The following CFAP263 variants were observed in gnomAD, a reference collection of about 807,000 sequenced individuals.
CFAP263 encodes cilia and flagella associated protein 263, also known as cilia- and flagella-associated protein 263.
At chr16:58,269,455 A>G in the CFAP263 span, among the ~76,000 whole-genome samples, 2 of 152,040 alleles carry the variant, frequency 1.3e-5, no homozygotes, top group African/African-American at 4.8e-5. Flanking sequence ...GAAGGAAAGA[A>G]AAGAAAAGAA....
chr16:58,282,350 A>C, the CFAP263 span: 5 of 152,306 alleles, frequency 3.3e-5, no homozygotes, highest in African/African-American at 1.2e-4. Flanking sequence ...GATGTTGGCC[A>C]GGCTGGTCTT....
chr16:58,280,574 G>A, the CFAP263 span: 1 of 1,614,058 alleles, frequency 6.2e-7, no homozygotes, highest in East Asian at 2.2e-5. Flanking sequence ...TTTTCCCAGT[G>A]GTGGAGTGAG....
At chr16:58,282,493 T>G in the CFAP263 span, 2 of 152,366 alleles carry the variant, frequency 1.3e-5, no homozygotes, top group Non-Finnish European at 2.9e-5. Flanking sequence ...AGAACAGAGA[T>G]GAAGACCAGT....
chr16:58,254,763 C>T, the CFAP263 span, among the ~76,000 whole-genome samples: 1 of 152,180 alleles, frequency 6.6e-6, no homozygotes, highest in East Asian at 1.9e-4. Flanking sequence ...CGCCACCACA[C>T]CCGGCTAATT....
the CFAP263 span, among the ~76,000 whole-genome samples, chr16:58,266,421 T>A: frequency 1.2e-4 from 16 of 138,572 alleles, no homozygotes; most frequent in South Asian, 4.8e-4. Context: ...TTTTTTTTTT[T>A]TTTTTTTTTT....
At chr16:58,257,191 G>C in the CFAP263 span, among the ~76,000 whole-genome samples, 2,615 of 122,986 alleles carry the variant, frequency 0.021, 166 homozygotes, top group Admixed American at 0.041. Flanking sequence ...CTAATTTTTT[G>C]TATTTTTAGT....
the CFAP263 span, among the ~76,000 whole-genome samples, chr16:58,259,521 A>G: frequency 2.0e-5 from 3 of 152,214 alleles, no homozygotes; most frequent in South Asian, 6.2e-4. Flanking sequence ...TGTTAACAGT[A>G]ATAAAAATTA....
chr16:58,259,679 G>A, the CFAP263 span, among the ~76,000 whole-genome samples: 1 of 152,030 alleles, frequency 6.6e-6, no homozygotes, highest in Admixed American at 6.6e-5. Flanking sequence ...CTGCTTCTTG[G>A]TCATGAAATG....
the CFAP263 span, among the ~76,000 whole-genome samples, chr16:58,258,156 G>A: frequency 6.7e-6 from 1 of 149,162 alleles, no homozygotes; most frequent in African/African-American, 2.5e-5. Flanking sequence ...GTTTTTGTTT[G>A]CTCTCTTTTT....
At chr16:58,279,675 T>C in the CFAP263 span, 10 of 109,796 alleles carry the variant, frequency 9.1e-5, no homozygotes, top group Non-Finnish European at 1.2e-4. Flanking sequence ...TCTTTTTTTC[T>C]TTTTTTTTTT....
chr16:58,268,400 C>CT, the CFAP263 span, among the ~76,000 whole-genome samples: 2 of 152,198 alleles, frequency 1.3e-5, no homozygotes, highest in South Asian at 4.1e-4. Context: ...AGGTTTGGTG[C>CT]TGCCAATTTC....
At chr16:58,272,178 G>C in the CFAP263 span, among the ~76,000 whole-genome samples, 1 of 151,928 alleles carries the variant, frequency 6.6e-6, no homozygotes, top group Non-Finnish European at 1.5e-5. Flanking sequence ...ACCACGCCCG[G>C]CTAATTTTTT....
chr16:58,257,105 C>T, the CFAP263 span, among the ~76,000 whole-genome samples: 2 of 104,698 alleles, frequency 1.9e-5, no homozygotes, highest in African/African-American at 7.1e-5. Context: ...GCAAGCTCTG[C>T]CTCCCGGGTT....
At chr16:58,263,440 C>G in the CFAP263 span, among the ~76,000 whole-genome samples, 1 of 152,086 alleles carries the variant, frequency 6.6e-6, no homozygotes, top group Non-Finnish European at 1.5e-5. Flanking sequence ...TATAAGTACA[C>G]AATACCCACA....
the CFAP263 span, among the ~76,000 whole-genome samples, chr16:58,254,766 G>A: frequency 2.0e-5 from 3 of 151,748 alleles, no homozygotes; most frequent in Non-Finnish European, 2.9e-5. Context: ...CACCACACCC[G>A]GCTAATTTTT....
the CFAP263 span, among the ~76,000 whole-genome samples, chr16:58,251,908 C>G: frequency 6.6e-6 from 1 of 152,190 alleles, no homozygotes; most frequent in Non-Finnish European, 1.5e-5. Flanking sequence ...TTGGCATATA[C>G]AGGATAAACT....
At chr16:58,262,567 T>A in the CFAP263 span, 5 of 1,576,506 alleles carry the variant, frequency 3.2e-6, no homozygotes, top group Non-Finnish European at 4.3e-6. Flanking sequence ...TACCCAGGGC[T>A]CCCCCAAGGC....
At chr16:58,282,475 G>A in the CFAP263 span, 2 of 152,358 alleles carry the variant, frequency 1.3e-5, no homozygotes, top group Non-Finnish European at 2.9e-5. Context: ...TTCCAAGGAA[G>A]CCACACCAGA....
At chr16:58,258,361 C>T in the CFAP263 span, 2 of 1,613,330 alleles carry the variant, frequency 1.2e-6, no homozygotes, top group East Asian at 4.5e-5. Context: ...TGTGCTGACT[C>T]CCCCAGGCGA....
Sources: allele counts gnomAD v4.1 joint callset (sites outside exome capture counted in the v4.1 genomes callset), GRCh38; gene constraint gnomAD v4.1.1; transcripts MANE v1.5; gene names NCBI Gene and HGNC (gene_info 2026-07-23, HGNC 2026-07-21).